PROSER1: variants seen among roughly 807,000 people sequenced by gnomAD.
PROSER1 encodes the protein proline and serine rich 1, also known as proline and serine-rich protein 1.
Under a neutral mutation model 71.8 loss-of-function variants are expected in PROSER1, and 36 were observed. The ratio of observed to expected loss-of-function variants is 0.50; its 90% confidence interval spans 0.38 to 0.66. PROSER1 has a LOEUF of 0.66. Among genes scored for constraint, PROSER1 ranks in the 30% least tolerant of loss-of-function variants. The pLI is 0.00. For missense variants in PROSER1, 1,107 were observed against 1,135.0 expected (o/e 0.98, Z 0.35); for synonymous variants, 490 against 452.4 (o/e 1.08, Z -1.06).
chr13:39,015,021 C>A (rs1869943727), intron 10 of PROSER1, among the ~76,000 whole-genome samples: 1 of 151,604 alleles, frequency 6.6e-6, no homozygotes, highest in South Asian at 2.1e-4. Context: ...CATACATTTG[C>A]TCATACTGAC....
chr13:39,022,387 T>A lies in PROSER1; in HGVS notation c.669A>T (p.Val223=), dbSNP rs1428814819. ...GTGGAGCTATGACATTCGCTAATGGTACCAGACCTGCATTGTTATAAGCAC... is the reference window on the plus strand; with the variant it reads ...GTGGAGCTATGACATTCGCTAATGGAACCAGACCTGCATTGTTATAAGCAC... ...APSAYNNAGL[V]PLANVIAPPP... is the part of the protein sequence containing the mutation. Residue 223 remains valine, a synonymous_variant, in exon 9 of 13, where the codon GTA becomes GTT. Transcript: ENST00000352251. 1.2e-6 allele frequency: 2 copies of A among 1,612,672 alleles called. No homozygotes were observed. The highest frequency in any genetic ancestry group is 1.7e-6 in the Non-Finnish European group (2 of 1,178,694).
intron 9 of PROSER1, among the ~76,000 whole-genome samples, chr13:39,020,617 A>T (rs1870244181): frequency 1.3e-5 from 2 of 152,176 alleles, no homozygotes; most frequent in Non-Finnish European, 2.9e-5. Context: ...ATAAAAATTA[A>T]TTTTTTGTTA....
chr13:39,013,856 T>C lies in PROSER1; in HGVS notation c.1396A>G (p.Ser466Gly), dbSNP rs369383785. The stretch of plus-strand genomic sequence containing the variant: ...CCTTTTAACGCAGACAAAAGAGGAC[T>C]GTTCACACCAAGTGGACCGGCAACG... ...PSVAGPLGVN[S>G]PLLSALKGFL... Residue 466 changes from serine to glycine, a missense_variant, in exon 11 of 13, where the codon AGT becomes GGT. Coordinates refer to ENST00000352251, the MANE Select transcript of PROSER1 (RefSeq NM_025138.5). 1 of 1,614,192 alleles carries C rather than the reference T, an allele frequency of 6.2e-7. No individual in the cohort carries two copies. Among genetic ancestry groups the C allele is most frequent in the Non-Finnish European group, 8.5e-7 (1 of 1,180,042 alleles).
chr13:39,015,296 T>G (rs1869956669), intron 10 of PROSER1, among the ~76,000 whole-genome samples: 1 of 152,192 alleles, frequency 6.6e-6, no homozygotes, highest in African/African-American at 2.4e-5. Flanking sequence ...TGGGGGATGA[T>G]GTGGGCTCCC....
chr13:39,025,320 T>C (rs1352859489), intron 6 of PROSER1, among the ~76,000 whole-genome samples: 2 of 152,168 alleles, frequency 1.3e-5, no homozygotes, highest in Non-Finnish European at 2.9e-5. Context: ...TGTGGCTAAA[T>C]GGTATATACT....
At chr13:39,032,972 G>A (rs1870927082) in intron 2 of PROSER1, among the ~76,000 whole-genome samples, 1 of 150,950 alleles carries the variant, frequency 6.6e-6, no homozygotes, top group Non-Finnish European at 1.5e-5. Flanking sequence ...CCAGGCTGGA[G>A]CGCAATGGCG....
At chr13:39,036,285 G>GA (rs1020961717) in intron 1 of PROSER1, among the ~76,000 whole-genome samples, 1 of 152,054 alleles carries the variant, frequency 6.6e-6, no homozygotes, top group African/African-American at 2.4e-5. Flanking sequence ...TTTGAAAAAA[G>GA]AAAAAAGCTG....
chr13:39,013,426 G>C lies in PROSER1; in HGVS notation c.1826C>G (p.Thr609Ser). Residue 609 changes from threonine (T) to serine (S), a missense_variant, in exon 11 of 13, where the codon ACT (threonine) becomes AGT (serine). Transcript: ENST00000352251. ...CGAGGGAGTAGGACTTGTGGGCTCA[G>C]TTTTGATCATAACAGGAAGAGTTGT... ...AATTLPVMIKTEPTSPTPSAF... is the reference protein window; with the variant it reads ...AATTLPVMIKSEPTSPTPSAF... 6.2e-7 allele frequency: 1 copy of C among 1,614,174 alleles called. No individual in the cohort carries two copies. Among genetic ancestry groups the C allele is most frequent in the Non-Finnish European group, 8.5e-7 (1 of 1,180,030 alleles).
intron 8 of PROSER1, chr13:39,022,732 G>T: frequency 2.7e-6 from 1 of 373,398 alleles, no homozygotes; most frequent in Non-Finnish European, 4.8e-6. Flanking sequence ...ACTTTTTGAA[G>T]TTAAATGCAT....
chr13:39,012,380 G>A (rs1262132388), intron 11 of PROSER1, 147 bp from the exon 12 acceptor site: 7 of 846,842 alleles, frequency 8.3e-6, no homozygotes, highest in Non-Finnish European at 1.1e-5. Flanking sequence ...ATAAAAATCA[G>A]CCATTCCCTG....
chr13:39,037,164 C>G (rs1566030681), intron 1 of PROSER1, 34 bp downstream of exon 1: 2 of 1,478,084 alleles, frequency 1.4e-6, no homozygotes, highest in Middle Eastern at 1.7e-4. Context: ...GAGAATTCAT[C>G]TCATAAAATA....
intron 3 of PROSER1, 79 bp from the exon 4 acceptor site, chr13:39,029,454 A>AATGCTCTT: frequency 1.4e-6 from 1 of 691,552 alleles, no homozygotes; most frequent in Non-Finnish European, 2.4e-6. Flanking sequence ...AGTACAGTTA[A>AATGCTCTT]ATGCTCTTAA....
At chr13:39,014,695 T>C (rs112652564) in intron 10 of PROSER1, among the ~76,000 whole-genome samples, 10 of 152,336 alleles carry the variant, frequency 6.6e-5, no homozygotes, top group African/African-American at 1.7e-4. Flanking sequence ...CTGCTCAAAA[T>C]AGCCCTCCAA....
At chr13:39,034,231 C>T (rs756693978) in intron 1 of PROSER1, 35 bp from the exon 2 acceptor site, 4 of 1,516,188 alleles carry the variant, frequency 2.6e-6, no homozygotes, top group South Asian at 2.5e-5. Context: ...CAGAGTAAAA[C>T]AGCATTAATA....
intron 8 of PROSER1, chr13:39,022,770 CA>C (rs954560173): frequency 3.1e-5 from 12 of 390,682 alleles, no homozygotes; most frequent in Admixed American, 8.1e-5. Flanking sequence ...TACCAACTAC[CA>C]AAAAAAGGAA....
At chr13:39,036,413 G>T (rs542283062) in intron 1 of PROSER1, among the ~76,000 whole-genome samples, 1 of 152,290 alleles carries the variant, frequency 6.6e-6, no homozygotes, top group African/African-American at 2.4e-5. Flanking sequence ...GGGTCGTAAA[G>T]GTATGCAGCT....
intron 10 of PROSER1, 72 bp from the exon 11 acceptor site, chr13:39,014,548 TA>T: frequency 9.0e-7 from 1 of 1,114,408 alleles, no homozygotes; most frequent in Non-Finnish European, 1.3e-6. Flanking sequence ...TTAAAAAGCA[TA>T]ACCATTTTTG....
chr13:39,024,536 A>G lies in PROSER1; in HGVS notation c.501T>C (p.Asp167=), dbSNP rs867230645. The change falls in exon 7 of 13, where the codon GAT becomes GAC. Residue 167 remains aspartate (D), a synonymous_variant. Coordinates refer to ENST00000352251, the MANE Select transcript of PROSER1 (RefSeq NM_025138.5). Reference sequence around the variant, plus strand: ...TGCCTTCGTTAGTACATTCTTCACCATCTTTTTTCAAAGGAGTTCCCTATT... The same window carrying G: ...TGCCTTCGTTAGTACATTCTTCACCGTCTTTTTTCAAAGGAGTTCCCTATT... ...GIFPGTPLKK[D]GEECTNEGKG... The G allele has an allele frequency of 2.6e-5, 41 of 1,600,006 alleles. No homozygotes were observed. The Middle Eastern group carries it at 5.3e-3, about 208-fold the overall frequency.
At position 39,012,768 on chromosome 13, in the gene PROSER1, T is replaced by A. The variant is rs1333955684; in HGVS notation, c.2484A>T (p.Pro828=). 1 of 1,613,784 alleles carries A rather than the reference T, an allele frequency of 6.2e-7. No homozygotes were observed. The highest frequency in any genetic ancestry group is 8.5e-7 in the Non-Finnish European group (1 of 1,179,908). The change falls in exon 11 of 13, where the codon CCA becomes CCT. Residue 828 remains proline, a synonymous_variant. Coordinates refer to ENST00000352251, the MANE Select transcript of PROSER1 (RefSeq NM_025138.5). ...ATCCTGGGAGGACTGGAGCTGGGGATGGGGCTGTGGCAGCCACAGGTAGTG... is the reference window on the plus strand; with the variant it reads ...ATCCTGGGAGGACTGGAGCTGGGGAAGGGGCTGTGGCAGCCACAGGTAGTG... ...VTPLPVAATA[P]SPAPVLPGFA...
Sources: allele counts gnomAD v4.1 joint callset (sites outside exome capture counted in the v4.1 genomes callset), GRCh38; gene constraint gnomAD v4.1.1; transcripts MANE v1.5; gene names NCBI Gene and HGNC (gene_info 2026-07-23, HGNC 2026-07-21).